Variants in FNDC3A observed in about 807,000 individuals in gnomAD.
The protein encoded by FNDC3A is fibronectin type III domain containing 3A, also known as fibronectin type-III domain-containing protein 3A.
Under a neutral mutation model 148.9 loss-of-function variants are expected in FNDC3A, and 32 were observed. That is an observed-to-expected ratio of 0.21 (90% CI 0.16 to 0.29). FNDC3A has a LOEUF of 0.29. FNDC3A is among the 10% of genes least tolerant of loss of function. The pLI, the probability that FNDC3A is intolerant of heterozygous loss-of-function variation, is 1.00. For missense variants in FNDC3A, 1,191 were observed against 1,452.8 expected (o/e 0.82, Z 2.93); for synonymous variants, 472 against 473.6 (o/e 1.00, Z 0.04).
intron 3 of FNDC3A, among the ~76,000 whole-genome samples, chr13:49,106,129 C>T (rs1880159270): frequency 6.6e-6 from 1 of 152,166 alleles, no homozygotes; most frequent in Non-Finnish European, 1.5e-5. Context: ...GTTGCTCCCT[C>T]TGTGTAGAAT....
At position 49,207,404 on chromosome 13, in the gene FNDC3A, CTT is replaced by C. The variant is rs746098463; in HGVS notation, c.*11_*12del. The C allele has an allele frequency of 8.1e-6, 12 of 1,481,564 alleles. No individual in the cohort carries two copies. The Admixed American group carries it at 1.7e-4, about 21-fold the overall frequency. The allele number at this position is 1,481,564 out of a possible 1,614,324, so 91.8% of individuals were successfully genotyped here. On this transcript the variant is annotated 3_prime_UTR_variant, in exon 26 of 26. Transcript: ENST00000492622. The stretch of plus-strand genomic sequence containing the variant: ...ACTTTGTAATCAAGTGAAAATATAA[CTT>C]TATTTTTTAACTCTATTACATTTTA...
chr13:49,061,342 CCCTTCCCTTCCCTTA>C (rs1460673913), intron 2 of FNDC3A, among the ~76,000 whole-genome samples: 418 of 3,502 alleles, frequency 0.12, 66 homozygotes, highest in South Asian at 0.22. Flanking sequence ...CCCTTCCCTT[CCCTTCCCTTCCCTTA>C]CCTTCCCTTC....
At chr13:49,007,308 G>C (rs1174192878) in intron 2 of FNDC3A, among the ~76,000 whole-genome samples, 1 of 152,156 alleles carries the variant, frequency 6.6e-6, no homozygotes, top group African/African-American at 2.4e-5. Context: ...AAACATGGCA[G>C]AAAGTGTTGT....
intron 3 of FNDC3A, among the ~76,000 whole-genome samples, chr13:49,102,897 C>G (rs1037121642): frequency 2.0e-5 from 3 of 152,142 alleles, no homozygotes; most frequent in African/African-American, 7.2e-5. Context: ...ATCTTAATAG[C>G]ATGGCATGTC....
intron 10 of FNDC3A, among the ~76,000 whole-genome samples, chr13:49,170,497 T>G (rs1343115324): frequency 3.3e-5 from 5 of 152,130 alleles, no homozygotes; most frequent in African/African-American, 1.2e-4. Context: ...CAGAGCATGG[T>G]GATGACAAAA....
At chr13:49,121,231 G>C (rs1276945082) in intron 4 of FNDC3A, among the ~76,000 whole-genome samples, 1 of 152,180 alleles carries the variant, frequency 6.6e-6, no homozygotes, top group Non-Finnish European at 1.5e-5. Flanking sequence ...TGAACAACCT[G>C]CTCCTGAATG....
chr13:49,141,879 C>A (rs1882711454), intron 7 of FNDC3A, among the ~76,000 whole-genome samples: 1 of 152,034 alleles, frequency 6.6e-6, no homozygotes, highest in Admixed American at 6.5e-5. Context: ...CAGCTACCAC[C>A]TAGAAGTGGA....
chr13:49,195,212 T>C (rs950424387), intron 19 of FNDC3A, among the ~76,000 whole-genome samples: 1 of 152,236 alleles, frequency 6.6e-6, no homozygotes, highest in Non-Finnish European at 1.5e-5. Flanking sequence ...ATTTAAAGTC[T>C]AGCTAAAATC....
intron 2 of FNDC3A, among the ~76,000 whole-genome samples, chr13:49,058,404 G>T (rs545077415): frequency 1.3e-5 from 2 of 152,260 alleles, no homozygotes; most frequent in South Asian, 2.1e-4. Flanking sequence ...CTGTCTGCTT[G>T]CGGATTTCAT....
At chr13:49,112,012 T>C (rs1360521886) in intron 3 of FNDC3A, among the ~76,000 whole-genome samples, 2 of 152,204 alleles carry the variant, frequency 1.3e-5, no homozygotes, top group Non-Finnish European at 2.9e-5. Flanking sequence ...TAACTACATA[T>C]ATATTCGTAT....
chr13:49,124,424 G>A (rs886309014), intron 4 of FNDC3A, among the ~76,000 whole-genome samples: 1 of 151,632 alleles, frequency 6.6e-6, no homozygotes, highest in Admixed American at 6.6e-5. Flanking sequence ...AAACCACCAT[G>A]GCACGTGTAT....
In FNDC3A at chr13:49,163,023, A is replaced by G. The variant is rs574653847; in HGVS notation, c.978-4221A>G. Among the ~76,000 whole-genome samples, 867 of 152,272 alleles carry G rather than the reference A, an allele frequency of 5.7e-3. 5 individuals carry two copies. Among genetic ancestry groups the G allele is most frequent in the Non-Finnish European group, 0.01 (706 of 68,016 alleles). On this transcript the variant is annotated intron_variant, in intron 8 of 25. Coordinates refer to ENST00000492622, the MANE Select transcript of FNDC3A (RefSeq NM_001079673.2). ...GAAGCTTCGTCTCAGAGGGGCACCC[A>G]GCTGTATGAGGTGTCAATCAGCCCC...
chr13:49,073,912 T>G (rs573220587), intron 2 of FNDC3A, among the ~76,000 whole-genome samples: 1 of 150,666 alleles, frequency 6.6e-6, no homozygotes, highest in South Asian at 2.1e-4. Flanking sequence ...TTGGAAACAT[T>G]TTTGGTCCAA....
At chr13:49,103,330 T>C (rs1879974887) in intron 3 of FNDC3A, among the ~76,000 whole-genome samples, 1 of 152,180 alleles carries the variant, frequency 6.6e-6, no homozygotes, top group South Asian at 2.1e-4. Context: ...TTTGAAGACA[T>C]TTTGATCCCA....
At chr13:49,117,560 G>T (rs1881048871) in intron 4 of FNDC3A, among the ~76,000 whole-genome samples, 2 of 151,710 alleles carry the variant, frequency 1.3e-5, no homozygotes. Flanking sequence ...ATATCCTTAG[G>T]TTCCAAATCT....
intron 2 of FNDC3A, among the ~76,000 whole-genome samples, chr13:49,030,111 A>G (rs1928109): frequency 0.32 from 48,986 of 151,932 alleles, 8,020 homozygotes; most frequent in South Asian, 0.48. Flanking sequence ...AATATCCCTT[A>G]TGAATATAGA....
At chr13:49,057,103 C>G (rs1359046252) in intron 2 of FNDC3A, among the ~76,000 whole-genome samples, 1 of 152,152 alleles carries the variant, frequency 6.6e-6, no homozygotes, top group East Asian at 1.9e-4. Flanking sequence ...GGACCAGAAA[C>G]TAACTTGGGG....
At position 49,079,258 on chromosome 13, in the gene FNDC3A, G is replaced by T. The variant is rs142254315; in HGVS notation, c.175+3894G>T. 2.1e-3 allele frequency among the ~76,000 whole-genome samples: 313 copies of T among 152,212 alleles called. 3 individuals are homozygous for T. The highest frequency in any genetic ancestry group is 7.2e-3 in the African/African-American group (297 of 41,538). On this transcript the variant is annotated intron_variant, in intron 3 of 25. Transcript: ENST00000492622. ...TTCTAAGTATCTACTGAGGTATACTGTGCTAGTTGCTGGACATTCAAACAA... is the reference window on the plus strand; with the variant it reads ...TTCTAAGTATCTACTGAGGTATACTTTGCTAGTTGCTGGACATTCAAACAA...
chr13:49,204,570 A>G (rs183615413), intron 25 of FNDC3A, among the ~76,000 whole-genome samples: 3 of 152,354 alleles, frequency 2.0e-5, no homozygotes, highest in African/African-American at 7.2e-5. Context: ...TAGATTTGAA[A>G]TGTAATTTAC....
Sources: allele counts gnomAD v4.1 joint callset (sites outside exome capture counted in the v4.1 genomes callset), GRCh38; gene constraint gnomAD v4.1.1; transcripts MANE v1.5; gene names NCBI Gene and HGNC (gene_info 2026-07-23, HGNC 2026-07-21).